The following TMPRSS7 variants were observed in gnomAD, a reference collection of about 807,000 sequenced individuals.
The protein encoded by TMPRSS7 is transmembrane protease serine 7.
A neutral mutation model predicts 95.6 loss-of-function variants in TMPRSS7; 81 were observed. The observed-to-expected ratio is 0.85, with a 90% confidence interval of 0.71 to 1.02. The LOEUF (loss-of-function observed/expected upper bound fraction) is 1.02, where lower values mean the gene tolerates loss of function less well. TMPRSS7 is among the 50% of genes least tolerant of loss of function. The pLI is 0.00. For synonymous variants in TMPRSS7, 364 were observed against 337.8 expected, an observed-to-expected ratio of 1.08 and a Z score of -0.85; for missense variants, 945 against 955.2, an observed-to-expected ratio of 0.99 and a Z score of 0.14.
At chr3:112,054,021 C>T (rs868714494) in intron 9 of TMPRSS7, among the ~76,000 whole-genome samples, 2 of 152,208 alleles carry the variant, frequency 1.3e-5, no homozygotes, top group Admixed American at 6.5e-5. Flanking sequence ...TGGATTTTTA[C>T]GGGCCATGTA....
exon 14 of TMPRSS7, chr3:112,074,409 T>C (rs1559963912): frequency 4.4e-6 from 7 of 1,608,956 alleles, no homozygotes; most frequent in Non-Finnish European, 6.0e-6. Context: ...TGAAGAAGGC[T>C]GCAGTAAGTA....
chr3:112,072,126 G>A (rs2073656008), intron 13 of TMPRSS7, among the ~76,000 whole-genome samples: 1 of 152,154 alleles, frequency 6.6e-6, no homozygotes, highest in South Asian at 2.1e-4. Flanking sequence ...TACAGATGGG[G>A]TTTTGGTGTA....
At chr3:112,074,208 A>T in intron 13 of TMPRSS7, 88 bp from the exon 14 acceptor site, 1 of 902,094 alleles carries the variant, frequency 1.1e-6, no homozygotes, top group African/African-American at 1.7e-5. Flanking sequence ...ACCATTTTTT[A>T]TGGGGTTTGG....
rs7621703 is a variant in TMPRSS7 at position 112,079,434 on chromosome 3, C to A, written c.2361+556C>A. On this transcript the variant is annotated intron_variant, in intron 17 of 17. Coordinates refer to ENST00000452346, the Ensembl canonical transcript of TMPRSS7. ...AATAGATGATTTAGAGCAAACTTGT[C>A]CAACCCACGGCCCACAGGCCACATG... 3.3e-3 allele frequency among the ~76,000 whole-genome samples: 502 copies of A among 152,336 alleles called. 3 individuals carry two copies. Among genetic ancestry groups the A allele is most frequent in the African/African-American group, 0.01 (430 of 41,572 alleles).
intron 13 of TMPRSS7, among the ~76,000 whole-genome samples, chr3:112,070,338 A>G (rs1278092475): frequency 1.3e-5 from 2 of 152,190 alleles, no homozygotes; most frequent in Non-Finnish European, 2.9e-5. Flanking sequence ...GTAGATGTCT[A>G]TTAGGTCCAC....
At chr3:112,077,227 G>C (rs575629250) in intron 16 of TMPRSS7, 83 bp downstream of exon 16, 27 of 1,488,042 alleles carry the variant, frequency 1.8e-5, no homozygotes, top group Non-Finnish European at 2.5e-5. Flanking sequence ...TTCACAGAGA[G>C]GGTTTGTGTA....
rs566952680 is a variant in TMPRSS7 at position 112,061,635 on chromosome 3, A to G, written c.1311-152A>G. On this transcript the variant is annotated intron_variant, in intron 10 of 17. Coordinates refer to ENST00000452346, the Ensembl canonical transcript of TMPRSS7. ...GCAGAAGTTACTTGATCACAGTCAC[A>G]TGGCCTAGAATGAATAACTACCATT... The G allele has an allele frequency of 1.1e-4, 82 of 731,506 alleles. No individual in the cohort carries two copies. The African/African-American group carries it at 1.3e-3, about 12-fold the overall frequency. 45.3% of individuals were successfully genotyped at this position (731,506 alleles called of 1,614,324 possible). A position where few individuals can be genotyped will look rare whatever the true frequency, so the allele number is the denominator to read the frequency against.
exon 8 of TMPRSS7, chr3:112,049,893 C>T: frequency 6.4e-7 from 1 of 1,557,952 alleles, no homozygotes; most frequent in African/African-American, 1.3e-5. Context: ...TACAAATAAT[C>T]TCATGTTGGT....
At chr3:112,046,373 T>C (rs534905653) in intron 5 of TMPRSS7, among the ~76,000 whole-genome samples, 2 of 152,338 alleles carry the variant, frequency 1.3e-5, no homozygotes, top group Admixed American at 1.3e-4. Context: ...AATGCAAATT[T>C]CATTGTTTGC....
chr3:112,066,209 G>A (rs185818558), intron 12 of TMPRSS7, among the ~76,000 whole-genome samples, 183 bp from the exon 13 acceptor site: 14 of 152,286 alleles, frequency 9.2e-5, no homozygotes, highest in African/African-American at 3.1e-4. Context: ...AAACGTGCTA[G>A]AAATCACACC....
chr3:112,063,424 C>T (rs375604102), intron 11 of TMPRSS7, 101 bp from the exon 12 acceptor site: 5 of 830,204 alleles, frequency 6.0e-6, no homozygotes, highest in Middle Eastern at 2.3e-4. Context: ...GCTACCCTGC[C>T]AACTCCCTAA....
intron 3 of TMPRSS7, among the ~76,000 whole-genome samples, 160 bp downstream of exon 3, chr3:112,042,210 C>T (rs2073217726): frequency 6.6e-6 from 1 of 152,034 alleles, no homozygotes; most frequent in Admixed American, 6.5e-5. Flanking sequence ...TGAAATCTAG[C>T]ACATCTTGGC....
At chr3:112,047,829 A>T in exon 7 of TMPRSS7, 1 of 1,614,124 alleles carries the variant, frequency 6.2e-7, no homozygotes, top group Non-Finnish European at 8.5e-7. Context: ...CTGATGTGTC[A>T]CTTCAAGCTG....
chr3:112,066,190 G>A (rs1298833675), intron 12 of TMPRSS7, among the ~76,000 whole-genome samples: 2 of 152,148 alleles, frequency 1.3e-5, no homozygotes, highest in East Asian at 1.9e-4. Context: ...GCAAAAATCA[G>A]ATCTGACAAA....
At position 112,038,376 on chromosome 3, in the gene TMPRSS7, A is replaced by C. The variant is rs538144291; in HGVS notation, c.298+55A>C. The stretch of plus-strand genomic sequence containing the variant: ...TTAGGGCTTATGGTATGAGTCCAGC[A>C]TTAGCAATGCAGCCCTAATCTGCCA... On this transcript the variant is annotated intron_variant, in intron 2 of 17. Transcript: ENST00000452346. The C allele has an allele frequency of 1.6e-5, 11 of 671,006 alleles. No individual in the cohort carries two copies. In the Middle Eastern group the frequency reaches 2.0e-3, roughly 122 times the overall value. The allele number at this position is 671,006 out of a possible 1,614,324, so 41.6% of individuals were successfully genotyped here.
At chr3:112,059,511 T>C (rs1292151481) in intron 10 of TMPRSS7, among the ~76,000 whole-genome samples, 1 of 152,194 alleles carries the variant, frequency 6.6e-6, no homozygotes, top group Non-Finnish European at 1.5e-5. Context: ...GAAACTCTAC[T>C]AAATGTTAAT....
intron 16 of TMPRSS7, 73 bp downstream of exon 16, chr3:112,077,217 T>C (rs916038623): frequency 2.0e-6 from 3 of 1,528,734 alleles, no homozygotes; most frequent in Non-Finnish European, 2.7e-6. Context: ...TGCTTTAGGG[T>C]TCACAGAGAG....
chr3:112,040,589 C>T (rs961506676), intron 2 of TMPRSS7, among the ~76,000 whole-genome samples: 2 of 152,148 alleles, frequency 1.3e-5, no homozygotes, highest in Non-Finnish European at 2.9e-5. Context: ...CACACAACCC[C>T]AACCCAGAAC....
At chr3:112,070,606 C>T (rs1326807461) in intron 13 of TMPRSS7, among the ~76,000 whole-genome samples, 1 of 152,090 alleles carries the variant, frequency 6.6e-6, no homozygotes, top group Non-Finnish European at 1.5e-5. Flanking sequence ...CTCTTTTGAT[C>T]TTTGTTGGTT....
Sources: gnomAD v4.1 joint callset for allele counts (sites outside exome capture counted in the v4.1 genomes callset) on GRCh38, gnomAD v4.1.1 for gene constraint, MANE v1.5 for transcripts, NCBI Gene and HGNC (gene_info 2026-07-23, HGNC 2026-07-21) for gene names.